MAP3K9: variants seen among roughly 807,000 people sequenced by gnomAD.
MAP3K9 encodes mixed lineage kinase 1 (tyr and ser/thr specificity).
In MAP3K9, 46 loss-of-function variants were observed where a neutral mutation model predicts 95.8. The ratio of observed to expected loss-of-function variants is 0.48; its 90% CI spans 0.38 to 0.61. The LOEUF is 0.61. MAP3K9 is among the 20% of genes least tolerant of loss of function. MAP3K9 has a pLI of 0.00. For missense variants in MAP3K9, 1,296 were observed against 1,474.3 expected, an observed-to-expected ratio of 0.88 and a Z score of 1.98; for synonymous variants, 533 against 593.8, an observed-to-expected ratio of 0.90 and a Z score of 1.49.
intron 2 of MAP3K9, among the ~76,000 whole-genome samples, chr14:70,762,923 C>T (rs950318525): frequency 6.6e-6 from 1 of 152,138 alleles, no homozygotes; most frequent in Non-Finnish European, 1.5e-5. Flanking sequence ...TAACAGGGGT[C>T]GAATTTCATT....
Position 70,794,420 on chromosome 14 carries a change from T to A in MAP3K9, c.820+6247A>T, listed in dbSNP as rs115982947. ...AGCAGAACGACGTTATTCCCAATTATATGAAACTAAAGCACTAGGCCACAC... is the reference window on the plus strand; with the variant it reads ...AGCAGAACGACGTTATTCCCAATTAAATGAAACTAAAGCACTAGGCCACAC... On this transcript the variant is annotated intron_variant, in intron 2 of 11. Transcript: ENST00000554752. Among the ~76,000 whole-genome samples the A allele has an allele frequency of 7.3e-3, 1,116 of 152,234 alleles. 12 individuals carry two copies. Among genetic ancestry groups the A allele is most frequent in the African/African-American group, 0.021 (891 of 41,536 alleles).
chr14:70,803,336 T>TCAAAAA (rs1566771064), intron 1 of MAP3K9, among the ~76,000 whole-genome samples: 2 of 66,144 alleles, frequency 3.0e-5, no homozygotes, highest in Non-Finnish European at 5.7e-5. Context: ...AATTCAGATC[T>TCAAAAA]TAAAAAAAAA....
intron 2 of MAP3K9, among the ~76,000 whole-genome samples, chr14:70,774,254 C>A (rs1262890183): frequency 6.6e-6 from 1 of 152,152 alleles, no homozygotes; most frequent in Non-Finnish European, 1.5e-5. Flanking sequence ...AGATCACCAG[C>A]CAGGAGGAAG....
intron 2 of MAP3K9, among the ~76,000 whole-genome samples, chr14:70,792,577 C>T (rs537664927): frequency 6.6e-6 from 1 of 152,360 alleles, no homozygotes; most frequent in East Asian, 1.9e-4. Context: ...ACTGCTTTTA[C>T]AGCTACTCCT....
At position 70,753,036 on chromosome 14, in the gene MAP3K9, C is replaced by T. The variant is rs182260600; in HGVS notation, c.1002-2955G>A. 13 of 152,290 alleles carry T rather than the reference C, an allele frequency of 8.5e-5. No homozygotes were observed. The East Asian group carries it at 2.5e-3, about 29-fold the overall frequency. 9.4% of individuals were successfully genotyped at this position (152,290 alleles called of 1,614,324 possible). On this transcript the variant is annotated intron_variant, in intron 3 of 11. Transcript: ENST00000554752. ...ACTGCCCAAGTAGGCAGAATGCTAC[C>T]AGAGAAAGATTTAGACAGACTTGGG...
chr14:70,799,878 A>G (rs1270669347), intron 2 of MAP3K9, among the ~76,000 whole-genome samples: 1 of 152,136 alleles, frequency 6.6e-6, no homozygotes, highest in Admixed American at 6.5e-5. Context: ...CCATTATGCA[A>G]TTGTGTCCTC....
chr14:70,739,864 G>C, intron 7 of MAP3K9, 178 bp downstream of exon 7: 1 of 1,543,308 alleles, frequency 6.5e-7, no homozygotes, highest in East Asian at 2.4e-5. Context: ...AGTTAATGGA[G>C]AGAGACAAGG....
intron 2 of MAP3K9, among the ~76,000 whole-genome samples, chr14:70,781,246 G>A (rs2054672009): frequency 6.6e-6 from 1 of 152,228 alleles, no homozygotes; most frequent in Non-Finnish European, 1.5e-5. Flanking sequence ...GAGCCACTAT[G>A]TAAGGCCAAG....
At chr14:70,807,041 A>T (rs1406525295) in intron 1 of MAP3K9, among the ~76,000 whole-genome samples, 1 of 152,228 alleles carries the variant, frequency 6.6e-6, no homozygotes, top group African/African-American at 2.4e-5. Context: ...TAAAGATCAA[A>T]ATGAAGAAAA....
At chr14:70,737,943 G>C (rs945951703) in intron 8 of MAP3K9, among the ~76,000 whole-genome samples, 5 of 152,164 alleles carry the variant, frequency 3.3e-5, no homozygotes, top group Admixed American at 1.3e-4. Context: ...TTTACATGTT[G>C]TCCATGGTCT....
intron 2 of MAP3K9, among the ~76,000 whole-genome samples, chr14:70,764,477 T>C (rs1252634035): frequency 6.6e-6 from 1 of 151,996 alleles, no homozygotes; most frequent in East Asian, 1.9e-4. Flanking sequence ...CTGATGTTTC[T>C]TCTGGAACCT....
At chr14:70,804,395 T>TAAAG (rs2054966544) in intron 1 of MAP3K9, among the ~76,000 whole-genome samples, 1 of 152,236 alleles carries the variant, frequency 6.6e-6, no homozygotes, top group African/African-American at 2.4e-5. Context: ...GCCTATGTTA[T>TAAAG]AAAGAAAGAT....
At chr14:70,738,989 T>C (rs370677947) in intron 7 of MAP3K9, among the ~76,000 whole-genome samples, 22 of 152,196 alleles carry the variant, frequency 1.4e-4, no homozygotes, top group South Asian at 1.0e-3. Context: ...ACGAGCAAAC[T>C]AGTTACCAAA....
At chr14:70,786,414 A>G (rs562983711) in intron 2 of MAP3K9, among the ~76,000 whole-genome samples, 1 of 152,274 alleles carries the variant, frequency 6.6e-6, no homozygotes, top group South Asian at 2.1e-4. Context: ...AGAAATAAAA[A>G]ATGTTTTTAT....
At position 70,799,941 on chromosome 14, in the gene MAP3K9, G is replaced by A. The variant is rs994961177; in HGVS notation, c.820+726C>T. On this transcript the variant is annotated intron_variant, in intron 2 of 11. Coordinates refer to ENST00000554752, the MANE Select transcript of MAP3K9 (RefSeq NM_001284230.2). ...GCACAAACTACCACAGAAAAGAAGCGTATTCCTAGCCCTGCTGAGTCAGCC... is the reference window on the plus strand; with the variant it reads ...GCACAAACTACCACAGAAAAGAAGCATATTCCTAGCCCTGCTGAGTCAGCC... 3.3e-5 allele frequency among the ~76,000 whole-genome samples: 5 copies of A among 152,174 alleles called. 1 individual carries two copies. The highest frequency in any genetic ancestry group is 2.1e-4 in the South Asian group (1 of 4,832).
At chr14:70,748,547 A>G (rs1193585350) in intron 5 of MAP3K9, among the ~76,000 whole-genome samples, 1 of 152,180 alleles carries the variant, frequency 6.6e-6, no homozygotes, top group Non-Finnish European at 1.5e-5. Context: ...TTGTAGAATC[A>G]AGAAACATTT....
rs5809495 is a variant in MAP3K9 at position 70,748,809 on chromosome 14, G to GT, written c.1326+19dup. 0.043 allele frequency: 66,993 copies of GT among 1,573,050 alleles called. 1,741 individuals are homozygous for GT. The highest frequency in any genetic ancestry group is 0.15 in the East Asian group (6,470 of 44,474). ...TTTTCTTTTCGTTCGTTTTTTTGTTGTTTTTTTTGTTTTGTTTACCTTTTC... is the reference window on the plus strand; with the variant it reads ...TTTTCTTTTCGTTCGTTTTTTTGTTGTTTTTTTTTGTTTTGTTTACCTTTTC... On this transcript the variant is annotated intron_variant, in intron 5 of 11. Coordinates refer to ENST00000554752, the MANE Select transcript of MAP3K9 (RefSeq NM_001284230.2).
At chr14:70,762,755 A>G (rs760362378) in intron 2 of MAP3K9, among the ~76,000 whole-genome samples, 3 of 152,128 alleles carry the variant, frequency 2.0e-5, no homozygotes, top group Admixed American at 6.5e-5. Context: ...GATGAAGTCC[A>G]CTTTATTTTT....
chr14:70,806,742 C>T (rs59577343), intron 1 of MAP3K9, among the ~76,000 whole-genome samples: 2,634 of 152,294 alleles, frequency 0.017, 83 homozygotes, highest in African/African-American at 0.06. Context: ...TTGAAGAAAC[C>T]GAGTTCCTGA....
Sources: gnomAD v4.1 joint callset for allele counts (sites outside exome capture counted in the v4.1 genomes callset) on GRCh38, gnomAD v4.1.1 for gene constraint, MANE v1.5 for transcripts, NCBI Gene and HGNC (gene_info 2026-07-23, HGNC 2026-07-21) for gene names.